The following PTPRJ variants were observed in gnomAD, a reference collection of about 807,000 sequenced individuals.
PTPRJ encodes the protein protein tyrosine phosphatase receptor type J, also known as receptor-type tyrosine-protein phosphatase eta.
PTPRJ carries 129 observed loss-of-function variants against 141.3 expected under a neutral mutation model. That is an observed-to-expected ratio of 0.91 (90% CI 0.79 to 1.06). PTPRJ has a LOEUF of 1.06. PTPRJ is among the 50% of genes least tolerant of loss of function. The pLI, the probability that PTPRJ is intolerant of heterozygous loss-of-function variation, is 0.00. For missense variants in PTPRJ, 1,601 were observed against 1,679.7 expected, an observed-to-expected ratio of 0.95 and a Z score of 0.82; for synonymous variants, 610 against 640.5, an observed-to-expected ratio of 0.95 and a Z score of 0.72.
intron 1 of PTPRJ, among the ~76,000 whole-genome samples, chr11:48,092,884 A>G (rs918783212): frequency 6.6e-6 from 1 of 152,230 alleles, no homozygotes; most frequent in Non-Finnish European, 1.5e-5. Context: ...TAGTGCCGCA[A>G]TGAACATGGG....
At chr11:48,115,916 AC>A (rs1476661201) in intron 3 of PTPRJ, among the ~76,000 whole-genome samples, 1 of 152,142 alleles carries the variant, frequency 6.6e-6, no homozygotes, top group Non-Finnish European at 1.5e-5. Context: ...ACAAAGAAGA[AC>A]CTTTAGTAGA....
chr11:48,136,968 G>A (rs1232791193), intron 9 of PTPRJ, 35 bp from the exon 10 acceptor site: 15 of 1,529,926 alleles, frequency 9.8e-6, no homozygotes, highest in Non-Finnish European at 1.3e-5. Context: ...CTTAATCTGT[G>A]CTTTTACATG....
At chr11:47,993,733 T>G (rs1184880016) in intron 1 of PTPRJ, among the ~76,000 whole-genome samples, 4 of 152,216 alleles carry the variant, frequency 2.6e-5, no homozygotes, top group African/African-American at 4.8e-5. Context: ...GCTCCGGCAC[T>G]GATTTGCATG....
At chr11:48,075,542 C>T (rs1003877067) in intron 1 of PTPRJ, among the ~76,000 whole-genome samples, 1 of 152,128 alleles carries the variant, frequency 6.6e-6, no homozygotes, top group African/African-American at 2.4e-5. Flanking sequence ...TCTTCCTTAG[C>T]CTCCCCAGTA....
intron 1 of PTPRJ, among the ~76,000 whole-genome samples, chr11:48,021,420 TAAAATA>T (rs1468259722): frequency 1.2e-3 from 111 of 96,360 alleles, no homozygotes; most frequent in African/African-American, 6.8e-3. Flanking sequence ...AATAAATAAA[TAAAATA>T]AAATAAAATA....
At chr11:48,066,024 G>A (rs1407456127) in intron 1 of PTPRJ, among the ~76,000 whole-genome samples, 1 of 152,188 alleles carries the variant, frequency 6.6e-6, no homozygotes, top group Non-Finnish European at 1.5e-5. Context: ...GTGTGCACCT[G>A]TAGTCCCAGC....
intron 1 of PTPRJ, among the ~76,000 whole-genome samples, chr11:47,987,725 T>C (rs899870904): frequency 6.6e-6 from 1 of 152,220 alleles, no homozygotes; most frequent in Non-Finnish European, 1.5e-5. Context: ...CTTGTATGGC[T>C]GGTTTTCCAG....
chr11:48,167,777 G>A lies in PTPRJ; in HGVS notation c.*415G>A, dbSNP rs1384456241. 1 of 154,404 alleles carries A rather than the reference G, an allele frequency of 6.5e-6. No homozygotes were observed. The highest frequency in any genetic ancestry group is 2.4e-5 in the African/African-American group (1 of 41,460). 9.6% of individuals were successfully genotyped at this position (154,404 alleles called of 1,614,324 possible). A position where few individuals can be genotyped will look rare whatever the true frequency, so the allele number is the denominator to read the frequency against. ...TATCAGAGGTCTATTTTTACCTACT[G>A]TGTCTTGGAATCTAGCCGATGGAAA... is the stretch of plus-strand genomic sequence containing the variant. On this transcript the variant is annotated 3_prime_UTR_variant, in exon 25 of 25. Coordinates refer to ENST00000418331, the MANE Select transcript of PTPRJ (RefSeq NM_002843.4).
chr11:48,056,318 A>T (rs920562916), intron 1 of PTPRJ, among the ~76,000 whole-genome samples: 41 of 152,198 alleles, frequency 2.7e-4, no homozygotes, highest in African/African-American at 9.7e-4. Flanking sequence ...GATCCCTCTT[A>T]GTTGTGTGAG....
intron 1 of PTPRJ, among the ~76,000 whole-genome samples, chr11:48,063,795 G>T (rs1035249523): frequency 5.3e-5 from 8 of 152,154 alleles, no homozygotes; most frequent in Non-Finnish European, 8.8e-5. Flanking sequence ...CTTGATCTGG[G>T]GAAGGAGGTT....
intron 1 of PTPRJ, among the ~76,000 whole-genome samples, chr11:48,079,415 CGTGTGTGTGTGTGTGTTTGTGT>C (rs1227933989): frequency 6.6e-6 from 1 of 150,446 alleles, no homozygotes; most frequent in African/African-American, 2.4e-5. Flanking sequence ...TCATGACGCT[CGTGTGTGTGTGTGTGTTTGTGT>C]GTGTGAGTGA....
intron 1 of PTPRJ, among the ~76,000 whole-genome samples, chr11:48,094,755 C>G (rs1565300015): frequency 6.6e-6 from 1 of 152,140 alleles, no homozygotes; most frequent in Non-Finnish European, 1.5e-5. Flanking sequence ...CGCAGAAGTT[C>G]TGGGTAACAG....
intron 1 of PTPRJ, among the ~76,000 whole-genome samples, chr11:48,060,528 A>C (rs1198689656): frequency 6.6e-6 from 1 of 152,206 alleles, no homozygotes; most frequent in Non-Finnish European, 1.5e-5. Context: ...GGAAAGATGC[A>C]GGTTTGATTG....
chr11:48,011,479 C>A (rs1854784882), intron 1 of PTPRJ, among the ~76,000 whole-genome samples: 1 of 152,154 alleles, frequency 6.6e-6, no homozygotes, highest in Admixed American at 6.5e-5. Context: ...TCTCATTAAA[C>A]AGAAGTACAG....
intron 4 of PTPRJ, 30 bp downstream of exon 4, chr11:48,121,296 C>CAAACCAT (rs1403836193): frequency 6.2e-7 from 1 of 1,606,284 alleles, no homozygotes. Context: ...GGGATGATGA[C>CAAACCAT]AAACCATTTC....
intron 1 of PTPRJ, among the ~76,000 whole-genome samples, chr11:47,992,387 C>A (rs1390264797): frequency 2.6e-5 from 4 of 152,086 alleles, no homozygotes; most frequent in African/African-American, 9.7e-5. Context: ...GTTGGCCAGG[C>A]TGGTCTGGAA....
chr11:48,079,903 G>A (rs555568668), intron 1 of PTPRJ, among the ~76,000 whole-genome samples: 1 of 152,276 alleles, frequency 6.6e-6, no homozygotes, highest in East Asian at 1.9e-4. Flanking sequence ...GATACAAAGA[G>A]GAAGCACAGA....
intron 1 of PTPRJ, among the ~76,000 whole-genome samples, chr11:47,982,612 C>T (rs1421321573): frequency 1.3e-5 from 2 of 151,642 alleles, no homozygotes; most frequent in Non-Finnish European, 2.9e-5. Flanking sequence ...AACCCCCAAA[C>T]TTAAAGCTTC....
intron 1 of PTPRJ, among the ~76,000 whole-genome samples, chr11:48,104,662 C>G (rs1856241632): frequency 6.6e-6 from 1 of 152,246 alleles, no homozygotes; most frequent in Admixed American, 6.5e-5. Context: ...TATCCCCAAA[C>G]ACTGCTCCTT....
Sources: allele counts gnomAD v4.1 joint callset (sites outside exome capture counted in the v4.1 genomes callset), GRCh38; gene constraint gnomAD v4.1.1; transcripts MANE v1.5; gene names NCBI Gene and HGNC (gene_info 2026-07-23, HGNC 2026-07-21).